Variants in TRIP10 observed in about 807,000 individuals in gnomAD.
TRIP10 encodes the protein thyroid hormone receptor interactor 10.
In TRIP10, 54 loss-of-function variants were observed where a neutral mutation model predicts 80.9. The ratio of observed to expected loss-of-function variants is 0.67; its 90% confidence interval spans 0.54 to 0.84. TRIP10 has a LOEUF of 0.84. TRIP10 is among the 40% of genes least tolerant of loss of function. The probability of loss-of-function intolerance (pLI) is 0.00; values close to 1 mark genes in which losing one functional copy is unlikely to be tolerated. For synonymous variants in TRIP10, 321 were observed against 307.2 expected (o/e 1.04, Z -0.47); for missense variants, 773 against 815.3 (o/e 0.95, Z 0.63).
At position 6,750,649 on chromosome 19, in the gene TRIP10, G is replaced by C; in HGVS notation, c.1657+16G>C. On this transcript the variant is annotated intron_variant, in intron 14 of 14. Transcript: ENST00000313244. ...CACTTTGAAGGTGAGAACGGCCAGA[G>C]TGGGCTTGGCGGGGTATGGGAGGCA... 6.2e-7 allele frequency: 1 copy of C among 1,613,706 alleles called. No individual in the cohort carries two copies. Among genetic ancestry groups the C allele is most frequent in the Non-Finnish European group, 8.5e-7 (1 of 1,179,764 alleles).
Position 6,750,014 on chromosome 19 carries a change from C to T in TRIP10, c.1343C>T (p.Ala448Val). The T allele has an allele frequency of 6.2e-7, 1 of 1,613,490 alleles. No homozygotes were observed. The highest frequency in any genetic ancestry group is 8.5e-7 in the Non-Finnish European group (1 of 1,179,940). The change falls in exon 12 of 15, where the codon GCT (alanine) becomes GTT (valine). Residue 448 changes from alanine (A) to valine (V), a missense_variant. Transcript: ENST00000313244. ...CCCGCCAGCTTGGAGCCCCAGATCGCTGAAACCCTGAGCAACATTGAACGG... is the reference window on the plus strand; with the variant it reads ...CCCGCCAGCTTGGAGCCCCAGATCGTTGAAACCCTGAGCAACATTGAACGG... Reference protein sequence around the residue: ...GDPASLEPQIAETLSNIERLK... With the variant: ...GDPASLEPQIVETLSNIERLK...
At chr19:6,739,909 CCTCCACCCTCCGCT>C in intron 1 of TRIP10, 124 bp downstream of exon 1, 1 of 1,140,154 alleles carries the variant, frequency 8.8e-7, no homozygotes, top group Non-Finnish European at 1.1e-6. Context: ...GGGTCCCCGC[CCTCCACCCTCCGCT>C]CTCTCTCGAA....
chr19:6,748,810 A>G (rs920800137), intron 11 of TRIP10: 1 of 152,146 alleles, frequency 6.6e-6, no homozygotes, highest in African/African-American at 2.4e-5. Context: ...GATAAAAAAT[A>G]ACTGGAAGGA....
chr19:6,741,046 G>A lies in TRIP10; in HGVS notation c.61G>A (p.Gly21Arg). Residue 21 changes from glycine to arginine, a missense_variant, in exon 2 of 15, where the codon GGG becomes AGG. Coordinates refer to ENST00000313244, the MANE Select transcript of TRIP10 (RefSeq NM_001288962.2). Reference protein sequence around the residue: ...FEVLERHTQWGLDLLDRYVKF... With the variant: ...FEVLERHTQWRLDLLDRYVKF... ...GGTGCTCGAGCGCCACACGCAGTGGGGGCTGGACCTGTTGGACAGATATGT... is the reference window on the plus strand; with the variant it reads ...GGTGCTCGAGCGCCACACGCAGTGGAGGCTGGACCTGTTGGACAGATATGT... The A allele has an allele frequency of 6.2e-7, 1 of 1,613,978 alleles. No individual in the cohort carries two copies. Among genetic ancestry groups the A allele is most frequent in the Non-Finnish European group, 8.5e-7 (1 of 1,179,894 alleles).
chr19:6,739,767 T>G lies in TRIP10; in HGVS notation c.6T>G (p.Asp2Glu). MDWGTELWDQFE... is the reference protein window; with the variant it reads MEWGTELWDQFE... ...GCGGCGGCGGCGGGAGCAGCATGGA[T>G]TGGGGCACTGAGCTGTGGGTAAGTC... The change falls in exon 1 of 15, where the codon GAT (aspartate) becomes GAG (glutamate). Residue 2 changes from aspartate to glutamate, a missense_variant. Physicochemically the swap from Asp to Glu is conservative, Grantham distance 45. Coordinates refer to ENST00000313244, the MANE Select transcript of TRIP10 (RefSeq NM_001288962.2). 6.9e-7 allele frequency: 1 copy of G among 1,447,498 alleles called. No homozygotes were observed. Among genetic ancestry groups the G allele is most frequent in the Non-Finnish European group, 9.2e-7 (1 of 1,092,500 alleles). The allele number at this position is 1,447,498 out of a possible 1,614,324, so 89.7% of individuals were successfully genotyped here. A position where few individuals can be genotyped will look rare whatever the true frequency, so the allele number is the denominator to read the frequency against.
intron 14 of TRIP10, 149 bp downstream of exon 14, chr19:6,750,782 G>A: frequency 7.8e-7 from 1 of 1,285,586 alleles, no homozygotes; most frequent in Non-Finnish European, 1.1e-6. Context: ...GATCACTTGA[G>A]GTCAAGAATT....
chr19:6,743,664 C>T (rs748941020), intron 6 of TRIP10, 44 bp from the exon 7 acceptor site: 20 of 1,611,762 alleles, frequency 1.2e-5, no homozygotes, highest in African/African-American at 2.7e-5. Flanking sequence ...CCGAGTGGGA[C>T]GTGATCGGAA....
In TRIP10 at chr19:6,751,227, G is replaced by A. The variant is rs1230398634; in HGVS notation, c.*16G>A. On this transcript the variant is annotated 3_prime_UTR_variant, in exon 15 of 15. Coordinates refer to ENST00000313244, the MANE Select transcript of TRIP10 (RefSeq NM_001288962.2). Reference sequence around the variant, plus strand: ...GCTCAATTGAACCCTGCCAGAGACGGGAAGAGGGGGGCTGTCGGCTGCTGC... The same window carrying A: ...GCTCAATTGAACCCTGCCAGAGACGAGAAGAGGGGGGCTGTCGGCTGCTGC... 1.9e-6 allele frequency: 3 copies of A among 1,613,622 alleles called. No homozygotes were observed. In the East Asian group the frequency reaches 6.7e-5, roughly 36 times the overall value.
chr19:6,745,641 A>G lies in TRIP10; in HGVS notation c.985-388A>G, dbSNP rs948147471. ...TCCTGCATGCGTCTTCTAGACTGTCAGCCCAGAAAGCTAAGTGGACAGAGA... is the reference window on the plus strand; with the variant it reads ...TCCTGCATGCGTCTTCTAGACTGTCGGCCCAGAAAGCTAAGTGGACAGAGA... On this transcript the variant is annotated intron_variant, in intron 9 of 14. Transcript: ENST00000313244. This position sits in a 1 kb window ranked among gnomAD's most constrained non-coding sequence, Gnocchi z 7.2. 2.0e-6 allele frequency: 2 copies of G among 984,998 alleles called. No individual in the cohort carries two copies. The highest frequency in any genetic ancestry group is 2.4e-6 in the Non-Finnish European group (2 of 829,884). 61.0% of individuals were successfully genotyped at this position (984,998 alleles called of 1,614,324 possible). A position where few individuals can be genotyped will look rare whatever the true frequency, so the allele number is the denominator to read the frequency against.
rs756729103 is a variant in TRIP10, at chr19:6,746,092, C to A, written c.1048C>A (p.Pro350Thr). The change falls in exon 10 of 15, where the codon CCG becomes ACG. Residue 350 changes from proline (P) to threonine (T), a missense_variant. By Grantham distance (38) the Pro-to-Thr change is conservative. Transcript: ENST00000313244. The surrounding 1 kb of genome is among the most constrained non-coding windows in gnomAD (Gnocchi z 6.2). ...PVPSALPNGP[P>T]SPRSGRDPLA... ...ACCCTCGGCATTGCCTAACGGACCC[C>A]CGTCCCCCCGCTCCGGCCGTGACCC... The A allele has an allele frequency of 6.5e-7, 1 of 1,542,614 alleles. No homozygotes were observed. Among genetic ancestry groups the A allele is most frequent in the South Asian group, 1.2e-5 (1 of 83,242 alleles).
chr19:6,741,125 G>A lies in TRIP10; in HGVS notation c.140G>A (p.Arg47Gln). The A allele has an allele frequency of 6.2e-7, 1 of 1,614,168 alleles. No individual in the cohort carries two copies. ...GAACAGGCTTACGCCAAACAACTGCGGTGAGACCCTGGGGTGGACGCTACG... is the reference window on the plus strand; with the variant it reads ...GAACAGGCTTACGCCAAACAACTGCAGTGAGACCCTGGGGTGGACGCTACG... ...EVEQAYAKQL[R>Q]SLVKKYLPKR... The change falls in exon 2 of 15, where the codon CGG (arginine) becomes CAG (glutamine). Residue 47 changes from arginine to glutamine, a missense_variant and splice_region_variant. Arg to Gln is a conservative substitution (Grantham distance 43). Transcript: ENST00000313244.
chr19:6,745,924 G>A lies in TRIP10; in HGVS notation c.985-105G>A, dbSNP rs183235132. ...CTTTTTCCTTTTTTTGCGTCCATCC[G>A]TCCATCCGTGCGTCCATCCCTCCGT... On this transcript the variant is annotated intron_variant, in intron 9 of 14. Transcript: ENST00000313244. The surrounding 1 kb of genome is among the most constrained non-coding windows in gnomAD (Gnocchi z 7.2). 17 of 1,235,406 alleles carry A rather than the reference G, an allele frequency of 1.4e-5. No individual in the cohort carries two copies. Among genetic ancestry groups the A allele is most frequent in the East Asian group, 9.4e-5 (3 of 31,898 alleles). 76.5% of individuals were successfully genotyped at this position (1,235,406 alleles called of 1,614,324 possible).
rs1323593913 is a variant in TRIP10, at chr19:6,750,584, G to C, written c.1608G>C (p.Glu536Asp). ...IYTEFDEDFE[E>D]EPTSPIGHCV... ...CGGAGTTTGATGAGGATTTCGAGGA[G>C]GAACCCACATCCCCCATAGGTCACT... The change falls in exon 14 of 15, where the codon GAG becomes GAC. Residue 536 changes from glutamate (E) to aspartate (D), a missense_variant. Transcript: ENST00000313244. 2 of 1,614,256 alleles carry C rather than the reference G, an allele frequency of 1.2e-6. No homozygotes were observed. Among genetic ancestry groups the C allele is most frequent in the Admixed American group, 3.3e-5 (2 of 60,018 alleles).
At position 6,745,793 on chromosome 19, in the gene TRIP10, C is replaced by G; in HGVS notation, c.985-236C>G. On this transcript the variant is annotated intron_variant, in intron 9 of 14. Transcript: ENST00000313244. The surrounding 1 kb of genome is among the most constrained non-coding windows in gnomAD (Gnocchi z 7.2). Reference sequence around the variant, plus strand: ...TACAGTTCAACATCCTCCCCGCCACCTTCCAGATTTTTTTGTGTCGCTCCT... The same window carrying G: ...TACAGTTCAACATCCTCCCCGCCACGTTCCAGATTTTTTTGTGTCGCTCCT... 1 of 985,366 alleles carries G rather than the reference C, an allele frequency of 1.0e-6. No individual in the cohort carries two copies. Among genetic ancestry groups the G allele is most frequent in the Non-Finnish European group, 1.2e-6 (1 of 829,932 alleles). The allele number at this position is 985,366 out of a possible 1,614,324, so 61.0% of individuals were successfully genotyped here.
intron 11 of TRIP10, 111 bp from the exon 12 acceptor site, chr19:6,749,823 C>A: frequency 6.8e-7 from 1 of 1,463,380 alleles, no homozygotes; most frequent in South Asian, 1.3e-5. Context: ...TGCACACCAG[C>A]CTGGGGAAAG....
intron 11 of TRIP10, among the ~76,000 whole-genome samples, chr19:6,747,129 G>C (rs1193283557): frequency 6.6e-6 from 1 of 152,188 alleles, no homozygotes; most frequent in Non-Finnish European, 1.5e-5. Context: ...TTTGAGACCT[G>C]CCTGGGCAAC....
intron 11 of TRIP10, chr19:6,748,298 G>A (rs762147204): frequency 5.3e-5 from 8 of 152,030 alleles, no homozygotes; most frequent in Non-Finnish European, 1.0e-4. Flanking sequence ...GTAACCTCTT[G>A]GACAGAATGG....
chr19:6,745,682 G>C lies in TRIP10; in HGVS notation c.985-347G>C. The C allele has an allele frequency of 1.0e-6, 1 of 985,254 alleles. No individual in the cohort carries two copies. Among genetic ancestry groups the C allele is most frequent in the Non-Finnish European group, 1.2e-6 (1 of 829,894 alleles). 61.0% of individuals were successfully genotyped at this position (985,254 alleles called of 1,614,324 possible). A position where few individuals can be genotyped will look rare whatever the true frequency, so the allele number is the denominator to read the frequency against. Reference sequence around the variant, plus strand: ...TGGACAGAGAGACATGGGCCTCCCTGCCTCCTGGACCCATGCTTGCTCCCG... The same window carrying C: ...TGGACAGAGAGACATGGGCCTCCCTCCCTCCTGGACCCATGCTTGCTCCCG... On this transcript the variant is annotated intron_variant, in intron 9 of 14. Transcript: ENST00000313244. The surrounding 1 kb of genome is among the most constrained non-coding windows in gnomAD (Gnocchi z 7.2).
chr19:6,751,178 G>A lies in TRIP10; in HGVS notation c.1773G>A (p.Val591=). The change falls in exon 15 of 15, where the codon GTG becomes GTA. Residue 591 remains valine (V), a synonymous_variant. Transcript: ENST00000313244. ...GGAAAGAGGGAGGCGAGGGCTACGT[G>A]CCCACCTCCTACCTCCGAGTCACGC... ...VRRKEGGEGY[V]PTSYLRVTLN 6.2e-7 allele frequency: 1 copy of A among 1,613,920 alleles called. No homozygotes were observed. Among genetic ancestry groups the A allele is most frequent in the Non-Finnish European group, 8.5e-7 (1 of 1,179,960 alleles).
Sources: allele counts gnomAD v4.1 joint callset (sites outside exome capture counted in the v4.1 genomes callset), GRCh38; gene constraint gnomAD v4.1.1; non-coding constraint Gnocchi (gnomAD v3.1); transcripts MANE v1.5; gene names NCBI Gene and HGNC (gene_info 2026-07-23, HGNC 2026-07-21).